The following HSP90AA1 variants were observed in gnomAD, a reference collection of about 807,000 sequenced individuals.
HSP90AA1 encodes heat shock protein HSP 90-alpha.
A neutral mutation model predicts 73.3 loss-of-function variants in HSP90AA1; 18 were observed. That is an observed-to-expected ratio of 0.25 (90% CI 0.17 to 0.36). The LOEUF is 0.36. Ranked by LOEUF, HSP90AA1 falls within the 10% of genes least tolerant of loss-of-function variation. The pLI is 1.00. For synonymous variants in HSP90AA1, 477 were observed against 296.9 expected, an observed-to-expected ratio of 1.61 and a Z score of -6.24; for missense variants, 704 against 874.2, an observed-to-expected ratio of 0.81 and a Z score of 2.45.
intron 2 of HSP90AA1, among the ~76,000 whole-genome samples, chr14:102,094,425 C>T (rs1046508730): frequency 6.6e-6 from 1 of 152,134 alleles, no homozygotes; most frequent in Middle Eastern, 3.2e-3. Context: ...GCATAAAGCC[C>T]CCACCACCTA....
At chr14:102,082,975 G>C (rs1259759164) in intron 9 of HSP90AA1, 59 bp downstream of exon 9, 1 of 1,530,258 alleles carries the variant, frequency 6.5e-7, no homozygotes, top group Non-Finnish European at 9.1e-7. Flanking sequence ...GGCTATGTAT[G>C]ACTAAGCTTG....
chr14:102,099,697 C>T (rs1048790362), intron 2 of HSP90AA1, among the ~76,000 whole-genome samples: 1 of 152,168 alleles, frequency 6.6e-6, no homozygotes, highest in African/African-American at 2.4e-5. Flanking sequence ...CTCTGCTTTA[C>T]GAAGGCCAGT....
At chr14:102,094,305 A>G (rs1201853571) in intron 2 of HSP90AA1, among the ~76,000 whole-genome samples, 1 of 152,206 alleles carries the variant, frequency 6.6e-6, no homozygotes, top group Non-Finnish European at 1.5e-5. Context: ...CTTACTGTTC[A>G]TTATTTGTCT....
chr14:102,090,998 A>G (rs2049350413), upstream of HSP90AA1, among the ~76,000 whole-genome samples: 1 of 152,150 alleles, frequency 6.6e-6, no homozygotes, highest in African/African-American at 2.4e-5. Flanking sequence ...CTATGCATCC[A>G]GTTCAGTATC....
chr14:102,110,946 TA>T (rs1432151277), intron 1 of HSP90AA1, among the ~76,000 whole-genome samples: 1 of 151,384 alleles, frequency 6.6e-6, no homozygotes, highest in East Asian at 2.0e-4. Context: ...TCAAACTCCT[TA>T]CCTCAGGTGA....
chr14:102,097,093 TTCTCTGCC>T (rs2049434926), intron 2 of HSP90AA1, among the ~76,000 whole-genome samples: 1 of 152,024 alleles, frequency 6.6e-6, no homozygotes, highest in Non-Finnish European at 1.5e-5. Flanking sequence ...GTTCAAGTGA[TTCTCTGCC>T]TCAGCCTCCC....
upstream of HSP90AA1, among the ~76,000 whole-genome samples, chr14:102,090,598 C>T (rs566611009): frequency 1.4e-4 from 21 of 152,198 alleles, no homozygotes; most frequent in South Asian, 2.3e-3. Flanking sequence ...TACAGGCGCC[C>T]GCCACCACAC....
chr14:102,105,794 G>A (rs2049559914), intron 1 of HSP90AA1, among the ~76,000 whole-genome samples: 1 of 152,222 alleles, frequency 6.6e-6, no homozygotes, highest in African/African-American at 2.4e-5. Flanking sequence ...TTGAGACTGG[G>A]CATGGTGGCT....
intron 1 of HSP90AA1, among the ~76,000 whole-genome samples, chr14:102,116,037 T>C (rs1389400805): frequency 6.6e-6 from 1 of 151,678 alleles, no homozygotes; most frequent in African/African-American, 2.4e-5. Flanking sequence ...CTGCAAGCTC[T>C]GCCTCCCGGG....
rs746218576 is a variant in HSP90AA1, at chr14:102,086,162, C to A, written c.163-38G>T. ...AATATTAATTTAAGCATACAGCACC[C>A]CCAAGAAGTTCACACTGAAACCAAA... On this transcript the variant is annotated intron_variant, in intron 2 of 10. Transcript: ENST00000216281. The A allele has an allele frequency of 1.9e-6, 3 of 1,613,774 alleles. No homozygotes were observed. In the African/African-American group the frequency reaches 4.0e-5, roughly 22 times the overall value.
chr14:102,085,379 T>G lies in HSP90AA1; in HGVS notation c.582A>C (p.Gln194His), dbSNP rs1039201366. Residue 194 changes from glutamine (Q) to histidine (H), a missense_variant, in exon 4 of 11, where the codon CAA becomes CAC. Gln to His is a conservative substitution (Grantham distance 24). Transcript: ENST00000216281. ...TTCTTCGTTCCTCCAAGTACTCAGTTTGGTCTTCTTTCAGGTGTAGGATAA... is the reference window on the plus strand; with the variant it reads ...TTCTTCGTTCCTCCAAGTACTCAGTGTGGTCTTCTTTCAGGTGTAGGATAA... ...TKVILHLKED[Q>H]TEYLEERRIK... is the part of the protein sequence containing the mutation. The G allele has an allele frequency of 6.2e-7, 1 of 1,613,406 alleles. No homozygotes were observed. The highest frequency in any genetic ancestry group is 1.3e-5 in the African/African-American group (1 of 74,904).
At chr14:102,131,770 T>G in intron 1 of HSP90AA1, among the ~76,000 whole-genome samples, 1 of 152,218 alleles carries the variant, frequency 6.6e-6, no homozygotes, top group East Asian at 1.9e-4. Context: ...GACCTACTTC[T>G]TCTTCCTAGT....
rs1236602807 is a variant in HSP90AA1 at position 102,081,790 on chromosome 14, A to T, written c.2121T>A (p.Asp707Glu). ...TTTCTTCAGTTACAGCAGCACTGGTATCATCAGCAGTAGGGTCATCTTCAT... is the reference window on the plus strand; with the variant it reads ...TTTCTTCAGTTACAGCAGCACTGGTTTCATCAGCAGTAGGGTCATCTTCAT... ...GIDEDDPTAD[D>E]TSAAVTEEMP... Residue 707 changes from aspartate (D) to glutamate (E), a missense_variant, in exon 11 of 11, where the codon GAT becomes GAA. Transcript: ENST00000216281. 3.2e-6 allele frequency: 5 copies of T among 1,578,528 alleles called. No individual in the cohort carries two copies.
intron 1 of HSP90AA1, among the ~76,000 whole-genome samples, chr14:102,110,337 G>A (rs1022553928): frequency 3.3e-5 from 5 of 152,178 alleles, no homozygotes; most frequent in Admixed American, 6.5e-5. Context: ...AGGGTACCTG[G>A]TGGAAGAAAT....
chr14:102,135,639 G>A (rs2152628123), intron 1 of HSP90AA1, among the ~76,000 whole-genome samples: 1 of 152,386 alleles, frequency 6.6e-6, no homozygotes, highest in African/African-American at 2.4e-5. Flanking sequence ...GGGGCTGCAG[G>A]TCCCGGAGCC....
At chr14:102,116,736 C>T (rs1256555797) in intron 1 of HSP90AA1, among the ~76,000 whole-genome samples, 1 of 152,226 alleles carries the variant, frequency 6.6e-6, no homozygotes, top group Non-Finnish European at 1.5e-5. Flanking sequence ...CCCCAACACT[C>T]CCTGCCCTCC....
At chr14:102,102,006 G>C in exon 2 of HSP90AA1, 1 of 1,614,160 alleles carries the variant, frequency 6.2e-7, no homozygotes, top group Non-Finnish European at 8.5e-7. Context: ...CAGAGACAGA[G>C]TAGAGTGGTG....
At chr14:102,101,591 C>A (rs1037615072) in intron 2 of HSP90AA1, among the ~76,000 whole-genome samples, 1 of 152,226 alleles carries the variant, frequency 6.6e-6, no homozygotes, top group Admixed American at 6.5e-5. Flanking sequence ...GATTGTCTTT[C>A]TCTTTTCTCC....
In HSP90AA1 at chr14:102,081,757, G is replaced by C. The variant is rs982893112; in HGVS notation, c.2154C>G (p.Pro718=). 6.3e-6 allele frequency: 10 copies of C among 1,597,464 alleles called. No homozygotes were observed. Among genetic ancestry groups the C allele is most frequent in the Admixed American group, 5.0e-5 (3 of 59,968 alleles). Residue 718 remains proline (P), a synonymous_variant, in exon 11 of 11, where the codon CCC becomes CCG. Coordinates refer to ENST00000216281, the MANE Select transcript of HSP90AA1 (RefSeq NM_005348.4). ...TSAAVTEEMP[P]LEGDDDTSRM... is the part of the protein sequence containing the mutation. ...GTGATGTGTCGTCATCTCCTTCAAG[G>C]GGTGGCATTTCTTCAGTTACAGCAG...
Sources: gnomAD v4.1 joint callset for allele counts (sites outside exome capture counted in the v4.1 genomes callset) on GRCh38, gnomAD v4.1.1 for gene constraint, MANE v1.5 for transcripts, NCBI Gene and HGNC (gene_info 2026-07-23, HGNC 2026-07-21) for gene names.